Variants in LHFPL3 observed in about 807,000 individuals in gnomAD.
LHFPL3 encodes LHFPL tetraspan subfamily member 3 protein.
Under a neutral mutation model 19.3 loss-of-function variants are expected in LHFPL3, and 5 were observed. The ratio of observed to expected loss-of-function variants is 0.26; its 90% CI spans 0.14 to 0.54. LHFPL3 has a LOEUF of 0.54. Among genes scored for constraint, LHFPL3 ranks in the 20% least tolerant of loss-of-function variants. The pLI, the probability that LHFPL3 is intolerant of heterozygous loss-of-function variation, is 0.94. For missense variants in LHFPL3, 249 were observed against 307.4 expected (o/e 0.81, Z 1.42); for synonymous variants, 133 against 126.2 (o/e 1.05, Z -0.36).
intron 1 of LHFPL3, chr7:104,669,699 T>C (rs1315126389): frequency 9.2e-7 from 1 of 1,087,602 alleles, no homozygotes; most frequent in East Asian, 2.6e-5. Flanking sequence ...CTTTCTTACC[T>C]TTTTTTTAAA....
At chr7:104,752,995 C>T (rs542101625) in intron 2 of LHFPL3, among the ~76,000 whole-genome samples, 3 of 152,292 alleles carry the variant, frequency 2.0e-5, no homozygotes, top group Admixed American at 2.0e-4. Context: ...AGGGGTCACT[C>T]TTTGTGTTGT....
Position 104,334,221 on chromosome 7 carries a change from G to A in LHFPL3, c.445+4997G>A, listed in dbSNP as rs561177491. The stretch of plus-strand genomic sequence containing the variant: ...AAATTGAAAAATAATGAATAATCGG[G>A]TGAAGAATGAAAGGAAAAAGGACTT... On this transcript the variant is annotated intron_variant, in intron 1 of 2. Coordinates refer to ENST00000424859, the MANE Select transcript of LHFPL3 (RefSeq NM_199000.3). 2.0e-4 allele frequency among the ~76,000 whole-genome samples: 30 copies of A among 152,282 alleles called. No homozygotes were observed. The South Asian group carries it at 5.6e-3, about 28-fold the overall frequency.
intron 1 of LHFPL3, among the ~76,000 whole-genome samples, chr7:104,430,454 A>ATT (rs1172420054): frequency 1.3e-3 from 20 of 15,280 alleles, no homozygotes; most frequent in East Asian, 2.9e-3. Context: ...ATATATATAT[A>ATT]TTTTTTTTTT....
chr7:104,386,400 C>T (rs1011430034), intron 1 of LHFPL3, among the ~76,000 whole-genome samples: 5 of 152,090 alleles, frequency 3.3e-5, no homozygotes, highest in African/African-American at 9.7e-5. Context: ...CCTGAGATTC[C>T]GATAACAACT....
chr7:104,385,249 G>T (rs893902883), intron 1 of LHFPL3, among the ~76,000 whole-genome samples: 9 of 152,106 alleles, frequency 5.9e-5, no homozygotes, highest in Non-Finnish European at 1.3e-4. Flanking sequence ...TTGTTTCTCT[G>T]CCCATCCTGT....
intron 1 of LHFPL3, among the ~76,000 whole-genome samples, chr7:104,441,609 C>A (rs140665012): frequency 4.0e-4 from 61 of 152,174 alleles, no homozygotes; most frequent in African/African-American, 1.3e-3. Flanking sequence ...CAATGTCTTG[C>A]CCTGTCGCCC....
At chr7:104,519,829 T>C (rs1272779479) in intron 1 of LHFPL3, among the ~76,000 whole-genome samples, 2 of 151,838 alleles carry the variant, frequency 1.3e-5, no homozygotes, top group African/African-American at 2.4e-5. Flanking sequence ...AGATGCCATA[T>C]TGGGGGTTGG....
At chr7:104,569,996 T>C (rs1041494622) in intron 1 of LHFPL3, among the ~76,000 whole-genome samples, 1 of 152,204 alleles carries the variant, frequency 6.6e-6, no homozygotes, top group African/African-American at 2.4e-5. Flanking sequence ...AGAGACATGA[T>C]TCATTGTGTT....
intron 1 of LHFPL3, among the ~76,000 whole-genome samples, chr7:104,698,490 T>C (rs1448386415): frequency 6.6e-6 from 1 of 152,140 alleles, no homozygotes; most frequent in African/African-American, 2.4e-5. Context: ...AATTAAAAAC[T>C]CTTGTGCATC....
chr7:104,348,955 C>T (rs1790124426), intron 1 of LHFPL3, among the ~76,000 whole-genome samples: 2 of 145,634 alleles, frequency 1.4e-5, no homozygotes, highest in African/African-American at 5.3e-5. Context: ...CTTTATTCTC[C>T]TCGTCCTCCT....
chr7:104,443,524 T>A (rs12705211), intron 1 of LHFPL3, among the ~76,000 whole-genome samples: 28,587 of 152,162 alleles, frequency 0.19, 2,708 homozygotes, highest in Middle Eastern at 0.21. Flanking sequence ...ATTAAAAAGA[T>A]CTCCATGCCA....
At chr7:104,556,464 T>G (rs1236131559) in intron 1 of LHFPL3, among the ~76,000 whole-genome samples, 1 of 152,206 alleles carries the variant, frequency 6.6e-6, no homozygotes, top group Non-Finnish European at 1.5e-5. Context: ...AGCAACAGCC[T>G]AAACTGTACC....
At chr7:104,764,746 G>GC (rs1343232703) in intron 2 of LHFPL3, among the ~76,000 whole-genome samples, 2 of 152,160 alleles carry the variant, frequency 1.3e-5, no homozygotes, top group East Asian at 1.9e-4. Context: ...ATTTCGCTAG[G>GC]CCATGACTGT....
rs995261368 is a variant in LHFPL3 at position 104,564,050 on chromosome 7, A to G, written c.446-172625A>G. On this transcript the variant is annotated intron_variant, in intron 1 of 2. Transcript: ENST00000424859. ...TTATGTTAAACACTACACATACAAT[A>G]TCTCATTTGATCCTCTCAACAATCC... is the stretch of plus-strand genomic sequence containing the variant. Among the ~76,000 whole-genome samples the G allele has an allele frequency of 3.3e-5, 5 of 152,310 alleles. No homozygotes were observed. The South Asian group carries it at 1.0e-3, about 32-fold the overall frequency.
chr7:104,476,788 G>GA (rs1319112018), intron 1 of LHFPL3, among the ~76,000 whole-genome samples: 1 of 151,738 alleles, frequency 6.6e-6, no homozygotes, highest in Non-Finnish European at 1.5e-5. Flanking sequence ...ATTGCTAAAT[G>GA]AAAAAAAGAA....
intron 1 of LHFPL3, among the ~76,000 whole-genome samples, chr7:104,603,440 CT>C (rs1405422829): frequency 1.3e-5 from 2 of 152,042 alleles, no homozygotes; most frequent in Non-Finnish European, 2.9e-5. Context: ...CATTGCACCC[CT>C]GGCCCCCAAA....
rs148933169 is a variant in LHFPL3 at position 104,719,384 on chromosome 7, G to A, written c.446-17291G>A. Among the ~76,000 whole-genome samples the A allele has an allele frequency of 2.2e-3, 327 of 152,042 alleles. 2 individuals carry two copies. Among genetic ancestry groups the A allele is most frequent in the African/African-American group, 7.8e-3 (325 of 41,498 alleles). On this transcript the variant is annotated intron_variant, in intron 1 of 2. Coordinates refer to ENST00000424859, the MANE Select transcript of LHFPL3 (RefSeq NM_199000.3). ...TAAAATATCGAGGCAAAAAAATCAA[G>A]CCAAAAAAGGGGGATGAGTATTCTT...
chr7:104,473,884 A>C (rs1792956131), intron 1 of LHFPL3, among the ~76,000 whole-genome samples: 1 of 152,248 alleles, frequency 6.6e-6, no homozygotes, highest in Non-Finnish European at 1.5e-5. Flanking sequence ...AAAAGTAAAA[A>C]GTAAAACATT....
intron 1 of LHFPL3, among the ~76,000 whole-genome samples, chr7:104,608,256 A>T (rs1440594152): frequency 2.6e-5 from 4 of 152,124 alleles, no homozygotes; most frequent in East Asian, 1.9e-4. Context: ...CAAATGTCCA[A>T]CAACGATAGA....
Sources: gnomAD v4.1 joint callset for allele counts (sites outside exome capture counted in the v4.1 genomes callset) on GRCh38, gnomAD v4.1.1 for gene constraint, MANE v1.5 for transcripts, NCBI Gene and HGNC (gene_info 2026-07-23, HGNC 2026-07-21) for gene names.